ADGRV1: variants seen among roughly 807,000 people sequenced by gnomAD.
The protein encoded by ADGRV1 is adhesion G protein-coupled receptor V1.
A neutral mutation model predicts 596.2 loss-of-function variants in ADGRV1; 359 were observed. That is an observed-to-expected ratio of 0.60 (90% CI 0.55 to 0.66). The LOEUF is 0.66. Ranked by LOEUF, ADGRV1 falls within the 30% of genes least tolerant of loss-of-function variation. The pLI is 0.00. For missense variants in ADGRV1, 7,274 were observed against 7,575.6 expected (o/e 0.96, Z 1.48); for synonymous variants, 2,681 against 2,679.2 (o/e 1.00, Z -0.02).
At chr5:90,866,842 G>A (rs1035730750) in intron 83 of ADGRV1, among the ~76,000 whole-genome samples, 2 of 152,132 alleles carry the variant, frequency 1.3e-5, no homozygotes, top group Middle Eastern at 3.4e-3. Context: ...GAAGCTTTGA[G>A]ATAAAGGTCT....
At chr5:90,857,639 C>G (rs545370926) in intron 82 of ADGRV1, among the ~76,000 whole-genome samples, 1 of 152,242 alleles carries the variant, frequency 6.6e-6, no homozygotes, top group South Asian at 2.1e-4. Context: ...TTCTCTCTGT[C>G]CATGTCATAT....
chr5:91,096,461 G>C (rs553157153), intron 86 of ADGRV1, among the ~76,000 whole-genome samples: 1 of 152,142 alleles, frequency 6.6e-6, no homozygotes, highest in Admixed American at 6.6e-5. Context: ...ACTAATTGAC[G>C]TATCTACTTG....
At chr5:91,081,069 T>C (rs1789325417) in intron 86 of ADGRV1, among the ~76,000 whole-genome samples, 1 of 152,158 alleles carries the variant, frequency 6.6e-6, no homozygotes, top group African/African-American at 2.4e-5. Context: ...TTCCAGAGAC[T>C]GGAAGTCCAA....
chr5:90,652,255 A>C, intron 18 of ADGRV1, 91 bp from the exon 19 acceptor site: 1 of 896,240 alleles, frequency 1.1e-6, no homozygotes, highest in Non-Finnish European at 1.6e-6. Flanking sequence ...TTAAGACAAT[A>C]GATAGTAAAA....
At chr5:90,839,204 TTTTTGTTTTTTG>T (rs1363836364) in intron 77 of ADGRV1, among the ~76,000 whole-genome samples, 2 of 151,964 alleles carry the variant, frequency 1.3e-5, no homozygotes, top group Non-Finnish European at 1.5e-5. Context: ...CTGTTTTTTG[TTTTTGTTTTTTG>T]TTTTGTTTTT....
At chr5:91,046,870 A>G (rs1785864938) in intron 85 of ADGRV1, among the ~76,000 whole-genome samples, 1 of 152,122 alleles carries the variant, frequency 6.6e-6, no homozygotes, top group African/African-American at 2.4e-5. Context: ...TGAATAGACA[A>G]TTCTCAAAAG....
In ADGRV1 at chr5:90,853,393, C is replaced by A. The variant is rs749956288; in HGVS notation, c.17314C>A (p.Arg5772=). Residue 5772 remains arginine (R), a synonymous_variant, in exon 80 of 90, where the codon CGA becomes AGA. Transcript: ENST00000405460. ...TGAAGGAAAGGAAGGAGATTACATT[C>A]GAATTCCAGAGAGGCTACTGGATGT... ...KFEGKEGDYI[R]IPERLLDVQD... 1 of 1,613,470 alleles carries A rather than the reference C, an allele frequency of 6.2e-7. No individual in the cohort carries two copies. The highest frequency in any genetic ancestry group is 1.1e-5 in the South Asian group (1 of 91,036).
intron 83 of ADGRV1, among the ~76,000 whole-genome samples, chr5:90,925,208 A>T (rs949636845): frequency 8.5e-5 from 13 of 152,052 alleles, no homozygotes; most frequent in Non-Finnish European, 1.5e-4. Context: ...TTGAATCTGT[A>T]AGTTACCTTG....
chr5:90,788,272 G>A lies in ADGRV1; in HGVS notation c.13855G>A (p.Ala4619Thr). The change falls in exon 68 of 90, where the codon GCT becomes ACT. Residue 4619 changes from alanine to threonine, a missense_variant. By Grantham distance (58) the Ala-to-Thr change is moderately conservative. Coordinates refer to ENST00000405460, the MANE Select transcript of ADGRV1 (RefSeq NM_032119.4). ...TAAACTTCATCTTGTGAAAGGAGAAGCTAAATTAGACTCCAGAGCTAAAGA... is the reference window on the plus strand; with the variant it reads ...TAAACTTCATCTTGTGAAAGGAGAAACTAAATTAGACTCCAGAGCTAAAGA... ...IIKLHLVKGE[A>T]KLDSRAKDVT... 4 of 1,613,082 alleles carry A rather than the reference G, an allele frequency of 2.5e-6. No individual in the cohort carries two copies. The highest frequency in any genetic ancestry group is 2.5e-6 in the Non-Finnish European group (3 of 1,179,154).
chr5:90,948,409 T>C (rs1253835393), intron 83 of ADGRV1, among the ~76,000 whole-genome samples: 1 of 152,094 alleles, frequency 6.6e-6, no homozygotes, highest in Non-Finnish European at 1.5e-5. Context: ...TATACCACAA[T>C]GATATACAAC....
At chr5:90,651,420 T>C (rs140336096) in intron 17 of ADGRV1, among the ~76,000 whole-genome samples, 184 bp from the exon 18 acceptor site, 2 of 152,338 alleles carry the variant, frequency 1.3e-5, no homozygotes, top group African/African-American at 4.8e-5. Context: ...TTTGTACTTA[T>C]GTGTGTATAC....
intron 87 of ADGRV1, among the ~76,000 whole-genome samples, chr5:91,120,444 T>C (rs574578496): frequency 5.3e-4 from 81 of 152,336 alleles, no homozygotes; most frequent in Non-Finnish European, 9.4e-4. Context: ...CTGGCTTACC[T>C]AATAGGCATT....
At chr5:91,055,658 C>T (rs1390910144) in intron 85 of ADGRV1, among the ~76,000 whole-genome samples, 1 of 152,204 alleles carries the variant, frequency 6.6e-6, no homozygotes, top group Admixed American at 6.5e-5. Flanking sequence ...TTCACTTTCT[C>T]ACTGTTTTGT....
intron 52 of ADGRV1, among the ~76,000 whole-genome samples, chr5:90,748,195 A>C (rs1421563956): frequency 6.6e-6 from 1 of 152,134 alleles, no homozygotes; most frequent in Non-Finnish European, 1.5e-5. Flanking sequence ...TGTTGCATGC[A>C]AGGGTCAGAA....
chr5:90,673,579 C>T (rs1772799723), intron 22 of ADGRV1, among the ~76,000 whole-genome samples: 1 of 151,938 alleles, frequency 6.6e-6, no homozygotes, highest in Non-Finnish European at 1.5e-5. Flanking sequence ...GAGCAGGGTG[C>T]CTGTAGATTC....
chr5:91,001,709 T>C (rs899896609), intron 85 of ADGRV1, among the ~76,000 whole-genome samples: 7 of 152,238 alleles, frequency 4.6e-5, no homozygotes, highest in African/African-American at 1.7e-4. Context: ...ACTTTTTGTA[T>C]ATTTTTATTG....
Position 90,622,611 on chromosome 5 carries a change from A to T in ADGRV1, c.468A>T (p.Ala156=). 1 of 1,459,236 alleles carries T rather than the reference A, an allele frequency of 6.9e-7. No individual in the cohort carries two copies. The highest frequency in any genetic ancestry group is 9.1e-7 in the Non-Finnish European group (1 of 1,103,320). The allele number at this position is 1,459,236 out of a possible 1,614,324, so 90.4% of individuals were successfully genotyped here. ...TTCCTCAATAGCTTCCCTCAATCGC[A>T]GTGAGTGAGCCCAAGGGCAGAAATG... ...IISFNMLPSI[A]VSEPKGRNES... The change falls in exon 5 of 90, where the codon GCA becomes GCT. Residue 156 remains alanine, a synonymous_variant. Coordinates refer to ENST00000405460, the MANE Select transcript of ADGRV1 (RefSeq NM_032119.4).
intron 83 of ADGRV1, among the ~76,000 whole-genome samples, chr5:90,933,915 T>C (rs919207477): frequency 6.6e-6 from 1 of 152,226 alleles, no homozygotes; most frequent in African/African-American, 2.4e-5. Context: ...ATTCTGTGGC[T>C]GCACGTAGGC....
At chr5:90,989,720 A>T (rs1454306269) in intron 85 of ADGRV1, among the ~76,000 whole-genome samples, 2 of 152,166 alleles carry the variant, frequency 1.3e-5, no homozygotes, top group African/African-American at 4.8e-5. Flanking sequence ...GTTTCACACT[A>T]AACTGCTGAA....
Sources: allele counts gnomAD v4.1 joint callset (sites outside exome capture counted in the v4.1 genomes callset), GRCh38; gene constraint gnomAD v4.1.1; transcripts MANE v1.5; gene names NCBI Gene and HGNC (gene_info 2026-07-23, HGNC 2026-07-21).